WWOX: variants seen among roughly 807,000 people sequenced by gnomAD.
WWOX encodes the protein WW domain containing oxidoreductase, also known as WW domain-containing oxidoreductase.
Under a neutral mutation model 46.2 loss-of-function variants are expected in WWOX, and 69 were observed. The ratio of observed to expected loss-of-function variants is 1.49; its 90% CI spans 1.23 to 1.82. The LOEUF (loss-of-function observed/expected upper bound fraction) is 1.82. Among genes scored for constraint, WWOX ranks in the 40% most tolerant of loss-of-function variants. WWOX has a pLI of 0.00. For synonymous variants in WWOX, 359 were observed against 202.6 expected, an observed-to-expected ratio of 1.77 and a Z score of -6.56; for missense variants, 919 against 542.6, an observed-to-expected ratio of 1.69 and a Z score of -6.89.
In WWOX at chr16:79,115,178, A is replaced by G. The variant is rs894373440; in HGVS notation, c.1057-96430A>G. 5.3e-5 allele frequency among the ~76,000 whole-genome samples: 8 copies of G among 152,164 alleles called. No homozygotes were observed. The East Asian group carries it at 1.5e-3, about 29-fold the overall frequency. On this transcript the variant is annotated intron_variant, in intron 8 of 8. Coordinates refer to ENST00000566780, the MANE Select transcript of WWOX (RefSeq NM_016373.4). ...TCTTAGTCAGTATGGTTGTTGTGCC[A>G]TGGATTCAAATGGGGTTGCTTGATT...
At chr16:78,114,632 G>A (rs531139085) in intron 3 of WWOX, among the ~76,000 whole-genome samples, 176 of 151,930 alleles carry the variant, frequency 1.2e-3, no homozygotes, top group African/African-American at 4.1e-3. Flanking sequence ...GAAAAGAGTG[G>A]CTGACAGATC....
intron 8 of WWOX, among the ~76,000 whole-genome samples, chr16:78,682,747 G>A (rs2047759769): frequency 6.6e-6 from 1 of 152,092 alleles, no homozygotes; most frequent in African/African-American, 2.4e-5. Context: ...TTTAAAGAAA[G>A]GTATTTCTCC....
chr16:78,708,841 C>T (rs575528734), intron 8 of WWOX, among the ~76,000 whole-genome samples: 1 of 152,178 alleles, frequency 6.6e-6, no homozygotes, highest in Non-Finnish European at 1.5e-5. Flanking sequence ...TTTCACAGCG[C>T]CCAGCAAAGG....
intron 8 of WWOX, among the ~76,000 whole-genome samples, chr16:78,915,886 G>A (rs893281863): frequency 6.6e-6 from 1 of 152,160 alleles, no homozygotes; most frequent in Non-Finnish European, 1.5e-5. Context: ...AAGAAAAATA[G>A]AAGAAGCCTG....
intron 5 of WWOX, among the ~76,000 whole-genome samples, chr16:78,233,802 C>T (rs1411018955): frequency 1.3e-5 from 2 of 152,178 alleles, no homozygotes; most frequent in African/African-American, 4.8e-5. Context: ...GCTAGGATTA[C>T]AGGCGTGAGC....
intron 5 of WWOX, among the ~76,000 whole-genome samples, chr16:78,266,802 C>CTCTCTCTT (rs1729509192): frequency 7.5e-6 from 1 of 133,876 alleles, no homozygotes; most frequent in East Asian, 3.0e-4. Flanking sequence ...CTCTCTCTCT[C>CTCTCTCTT]TCTCTCTCTC....
intron 8 of WWOX, among the ~76,000 whole-genome samples, chr16:79,198,152 C>G (rs545795171): frequency 4.7e-5 from 7 of 150,170 alleles, no homozygotes; most frequent in Non-Finnish European, 7.4e-5. Context: ...TGGTGAAACC[C>G]CGTCTCTACT....
Position 78,764,594 on chromosome 16 carries a change from C to T in WWOX, c.1056+331842C>T, listed in dbSNP as rs553007866. Among the ~76,000 whole-genome samples the T allele has an allele frequency of 1.3e-4, 18 of 141,370 alleles. No individual in the cohort carries two copies. The South Asian group carries it at 2.0e-3, about 16-fold the overall frequency. The allele number at this position is 141,370 out of a possible 152,430, so 92.7% of individuals were successfully genotyped here. ...TTACTCGCTCACATGTGCCGTGCCCCGGGTGGGTTTGGAAGCCATGCTGCT... is the reference window on the plus strand; with the variant it reads ...TTACTCGCTCACATGTGCCGTGCCCTGGGTGGGTTTGGAAGCCATGCTGCT... On this transcript the variant is annotated intron_variant, in intron 8 of 8. Transcript: ENST00000566780.
intron 8 of WWOX, among the ~76,000 whole-genome samples, chr16:78,874,047 G>A (rs1487048336): frequency 6.6e-6 from 1 of 151,778 alleles, no homozygotes; most frequent in Non-Finnish European, 1.5e-5. Context: ...GGATCACAAG[G>A]TCAGGAGTTT....
intron 8 of WWOX, among the ~76,000 whole-genome samples, chr16:78,927,849 A>AT (rs1169077786): frequency 1.3e-5 from 2 of 152,108 alleles, no homozygotes; most frequent in Non-Finnish European, 2.9e-5. Flanking sequence ...CTTACTGTTT[A>AT]TTTTTGTTTC....
At chr16:78,875,163 G>T (rs2044210055) in intron 8 of WWOX, among the ~76,000 whole-genome samples, 1 of 152,178 alleles carries the variant, frequency 6.6e-6, no homozygotes, top group Admixed American at 6.5e-5. Flanking sequence ...CAGGAATGTT[G>T]CAAGATTGCA....
At chr16:78,562,881 G>T (rs912245394) in intron 8 of WWOX, among the ~76,000 whole-genome samples, 1 of 152,168 alleles carries the variant, frequency 6.6e-6, no homozygotes, top group Non-Finnish European at 1.5e-5. Context: ...GGAGCTCCAC[G>T]ATGGGGAGGT....
At chr16:79,096,096 G>C (rs1421785257) in intron 8 of WWOX, among the ~76,000 whole-genome samples, 1 of 137,026 alleles carries the variant, frequency 7.3e-6, no homozygotes, top group Non-Finnish European at 1.5e-5. Context: ...TAAAACTCCT[G>C]ACCTCAACTG....
intron 8 of WWOX, 115 bp downstream of exon 8, chr16:78,432,867 G>T: frequency 1.3e-6 from 2 of 1,510,692 alleles, no homozygotes; most frequent in Admixed American, 3.3e-5. Flanking sequence ...TAATAACATT[G>T]TCCAGCCCAT....
rs928042040 is a variant in WWOX at position 78,274,833 on chromosome 16, A to C, written c.516+110544A>C. ...GATTTTAAAAATTCTTTCTCCCTTA[A>C]TGCCTCATGAATGCCCAAGCAGCAC... On this transcript the variant is annotated intron_variant, in intron 5 of 8. Coordinates refer to ENST00000566780, the MANE Select transcript of WWOX (RefSeq NM_016373.4). Among the ~76,000 whole-genome samples the C allele has an allele frequency of 1.7e-4, 26 of 152,180 alleles. 1 individual carries two copies. Among genetic ancestry groups the C allele is most frequent in the Admixed American group, 1.7e-3 (26 of 15,286 alleles).
chr16:78,362,650 C>T (rs8058104), intron 5 of WWOX, among the ~76,000 whole-genome samples: 111,392 of 151,968 alleles, frequency 0.73, 42,224 homozygotes, highest in African/African-American at 0.82. Context: ...AAAAAAAATC[C>T]TGGTGCTTGT....
intron 8 of WWOX, among the ~76,000 whole-genome samples, chr16:78,875,550 A>G (rs967703697): frequency 1.3e-5 from 2 of 152,188 alleles, no homozygotes; most frequent in South Asian, 2.1e-4. Context: ...GTTCTTGGCT[A>G]TATGGAATTC....
chr16:78,799,450 C>G (rs1020469364), intron 8 of WWOX, among the ~76,000 whole-genome samples: 4 of 152,176 alleles, frequency 2.6e-5, no homozygotes, highest in African/African-American at 9.7e-5. Flanking sequence ...ACTGATTTTA[C>G]TCACCAGGGA....
At chr16:78,898,397 C>A (rs2044750507) in intron 8 of WWOX, 1 of 152,094 alleles carries the variant, frequency 6.6e-6, no homozygotes, top group Admixed American at 6.5e-5. Context: ...TGTTCAAAGA[C>A]TAATCCTCGC....
Sources: gnomAD v4.1 joint callset for allele counts (sites outside exome capture counted in the v4.1 genomes callset) on GRCh38, gnomAD v4.1.1 for gene constraint, MANE v1.5 for transcripts, NCBI Gene and HGNC (gene_info 2026-07-23, HGNC 2026-07-21) for gene names.